MKKS: variants seen among roughly 807,000 people sequenced by gnomAD.
The protein encoded by MKKS is MKKS centrosomal shuttling protein.
A neutral mutation model predicts 33.2 loss-of-function variants in MKKS; 29 were observed. The ratio of observed to expected loss-of-function variants is 0.87; its 90% CI spans 0.65 to 1.19. The LOEUF is 1.19. Ranked by LOEUF, MKKS falls within the 50% of genes most tolerant of loss-of-function variation. The probability of loss-of-function intolerance (pLI) is 0.00; values close to 1 mark genes in which losing one functional copy is unlikely to be tolerated. For synonymous variants in MKKS, 260 were observed against 244.0 expected (o/e 1.07, Z -0.61); for missense variants, 661 against 662.3 (o/e 1.00, Z 0.02).
In MKKS at chr20:10,402,674, A is replaced by C. The variant is rs1370405821; in HGVS notation, c.*2573T>G. The C allele has an allele frequency of 6.6e-6, 1 of 152,204 alleles. No homozygotes were observed. Among genetic ancestry groups the C allele is most frequent in the Non-Finnish European group, 1.5e-5 (1 of 68,044 alleles). 9.4% of individuals were successfully genotyped at this position (152,204 alleles called of 1,614,324 possible). A position where few individuals can be genotyped will look rare whatever the true frequency, so the allele number is the denominator to read the frequency against. ...GTCACCCCTTCTTGGAGGAACTTGA[A>C]AAAATGCAGGATAAGGGCAAAGAGA... On this transcript the variant is annotated 3_prime_UTR_variant, in exon 6 of 6. Transcript: ENST00000347364.
At chr20:10,424,250 T>C (rs1157873405) in intron 1 of MKKS, among the ~76,000 whole-genome samples, 1 of 151,098 alleles carries the variant, frequency 6.6e-6, no homozygotes, top group Non-Finnish European at 1.5e-5. Flanking sequence ...AAAAAATATA[T>C]ATTAAATAAA....
chr20:10,423,130 A>C (rs989862670), intron 1 of MKKS, among the ~76,000 whole-genome samples: 2 of 152,082 alleles, frequency 1.3e-5, no homozygotes, highest in African/African-American at 2.4e-5. Context: ...AGGAAAAAAA[A>C]CCCTAGCTTA....
At chr20:10,420,340 T>C (rs1056467216) in intron 2 of MKKS, among the ~76,000 whole-genome samples, 188 bp downstream of exon 2, 1 of 152,184 alleles carries the variant, frequency 6.6e-6, no homozygotes, top group Non-Finnish European at 1.5e-5. Flanking sequence ...GCCAGGCAAG[T>C]GTCAAATGTC....
chr20:10,402,124 G>C lies in MKKS; in HGVS notation c.*3123C>G, dbSNP rs2064814138. ...AGTCCCACGAAATTATTGAGCAGCT[G>C]TCACCGACTTCATTTTCTTCTTCAC... On this transcript the variant is annotated 3_prime_UTR_variant, in exon 6 of 6. Transcript: ENST00000347364. 6.6e-6 allele frequency: 1 copy of C among 152,196 alleles called. No homozygotes were observed. Among genetic ancestry groups the C allele is most frequent in the Admixed American group, 6.5e-5 (1 of 15,280 alleles). 9.4% of individuals were successfully genotyped at this position (152,196 alleles called of 1,614,324 possible).
In MKKS at chr20:10,404,954, T is replaced by C. The variant is rs1199838534; in HGVS notation, c.*293A>G. The C allele has an allele frequency of 4.6e-6, 1 of 216,158 alleles. No homozygotes were observed. Among genetic ancestry groups the C allele is most frequent in the Non-Finnish European group, 9.2e-6 (1 of 108,790 alleles). 13.4% of individuals were successfully genotyped at this position (216,158 alleles called of 1,614,324 possible). Reference sequence around the variant, plus strand: ...AGGAGTCTTTTTTATTTGTTTGCTCTCAAAATGATGCCAACATAACAAAAA... The same window carrying C: ...AGGAGTCTTTTTTATTTGTTTGCTCCCAAAATGATGCCAACATAACAAAAA... On this transcript the variant is annotated 3_prime_UTR_variant, in exon 6 of 6. Coordinates refer to ENST00000347364, the MANE Select transcript of MKKS (RefSeq NM_170784.3).
intron 2 of MKKS, among the ~76,000 whole-genome samples, chr20:10,419,972 G>T (rs1187388807): frequency 6.6e-6 from 1 of 152,206 alleles, no homozygotes; most frequent in Non-Finnish European, 1.5e-5. Flanking sequence ...TGTCAGTTAA[G>T]ATCAAGTTTT....
intron 1 of MKKS, among the ~76,000 whole-genome samples, chr20:10,431,484 G>C (rs1277938052): frequency 1.3e-5 from 2 of 151,778 alleles, no homozygotes; most frequent in Non-Finnish European, 2.9e-5. Flanking sequence ...GAAGATAATG[G>C]GACAATCTTA....
intron 3 of MKKS, among the ~76,000 whole-genome samples, chr20:10,410,028 C>T (rs1385388889): frequency 6.9e-6 from 1 of 144,430 alleles, no homozygotes; most frequent in Admixed American, 6.9e-5. Flanking sequence ...AAAAACACTT[C>T]CATCTCAAAA....
intron 1 of MKKS, among the ~76,000 whole-genome samples, chr20:10,433,283 G>A (rs1463414381): frequency 6.6e-6 from 1 of 152,208 alleles, no homozygotes; most frequent in Non-Finnish European, 1.5e-5. Flanking sequence ...GGGTTACAGG[G>A]GTGAGCCACC....
At chr20:10,408,904 A>C (rs1422341163) in intron 3 of MKKS, 101 bp from the exon 4 acceptor site, 4 of 851,938 alleles carry the variant, frequency 4.7e-6, no homozygotes, top group Admixed American at 2.5e-5. Flanking sequence ...AAGCCCCACA[A>C]GCATATAATT....
rs781401127 is a variant in MKKS, at chr20:10,412,735, C to T, written c.780G>A (p.Val260=). 8 of 1,614,150 alleles carry T rather than the reference C, an allele frequency of 5.0e-6. No individual in the cohort carries two copies. Among genetic ancestry groups the T allele is most frequent in the East Asian group, 4.5e-5 (2 of 44,884 alleles). The part of the protein sequence containing the change: ...GDTSDTGEGT[V]VVSYGVSLEN... ...CAAGAGAAACCCCATAACTGACCACCACAGTTCCTTCTCCAGTGTCAGAAG... is the reference window on the plus strand; with the variant it reads ...CAAGAGAAACCCCATAACTGACCACTACAGTTCCTTCTCCAGTGTCAGAAG... The change falls in exon 3 of 6, where the codon GTG becomes GTA. Residue 260 remains valine (V), a synonymous_variant. Coordinates refer to ENST00000347364, the MANE Select transcript of MKKS (RefSeq NM_170784.3).
At position 10,402,004 on chromosome 20, in the gene MKKS, C is replaced by T. The variant is rs1600841047; in HGVS notation, c.*3243G>A. 6.6e-6 allele frequency: 1 copy of T among 152,152 alleles called. No individual in the cohort carries two copies. Among genetic ancestry groups the T allele is most frequent in the African/African-American group, 2.4e-5 (1 of 41,422 alleles). 9.4% of individuals were successfully genotyped at this position (152,152 alleles called of 1,614,324 possible). ...ATTTGCTGTAGCTCTCCACTTTCTTCCTTGCTGCTAAAATCCTAATGCCTT... is the reference window on the plus strand; with the variant it reads ...ATTTGCTGTAGCTCTCCACTTTCTTTCTTGCTGCTAAAATCCTAATGCCTT... On this transcript the variant is annotated 3_prime_UTR_variant, in exon 6 of 6. Coordinates refer to ENST00000347364, the MANE Select transcript of MKKS (RefSeq NM_170784.3).
rs1471751692 is a variant in MKKS, at chr20:10,408,796, C to T, written c.993G>A (p.Gln331=). The change falls in exon 4 of 6, where the codon CAG becomes CAA. Residue 331 remains glutamine (Q), a synonymous_variant. Transcript: ENST00000347364. ...MEPLTKMTGT[Q]PIGSLGSICP... is the part of the protein sequence containing the mutation. ...ATATTGAGCCTAGGGATCCAATAGG[C>T]TGTGTTCCTATTTTTTAAAGATTAG... 3 of 1,611,750 alleles carry T rather than the reference C, an allele frequency of 1.9e-6. No individual in the cohort carries two copies. The highest frequency in any genetic ancestry group is 2.2e-5 in the East Asian group (1 of 44,838).
At chr20:10,411,042 AGT>A (rs2064881620) in intron 3 of MKKS, among the ~76,000 whole-genome samples, 1 of 150,574 alleles carries the variant, frequency 6.6e-6, no homozygotes, top group Admixed American at 6.6e-5. Context: ...GCTGGAGTGC[AGT>A]GGCGCAATCT....
At chr20:10,418,478 G>T (rs2064956981) in intron 2 of MKKS, among the ~76,000 whole-genome samples, 1 of 152,154 alleles carries the variant, frequency 6.6e-6, no homozygotes, top group African/African-American at 2.4e-5. Flanking sequence ...TCAACTATTC[G>T]GAATTTGTGT....
At chr20:10,413,990 C>T in intron 2 of MKKS, 59 bp from the exon 3 acceptor site, 1 of 397,118 alleles carries the variant, frequency 2.5e-6, no homozygotes. Flanking sequence ...TTGTAGACTG[C>T]AGTTTAATAA....
At chr20:10,407,232 T>G (rs1185526373) in intron 5 of MKKS, among the ~76,000 whole-genome samples, 1 of 152,188 alleles carries the variant, frequency 6.6e-6, no homozygotes, top group Non-Finnish European at 1.5e-5. Flanking sequence ...CATCAATTAT[T>G]ACTGTATTGC....
Position 10,401,045 on chromosome 20 carries a change from T to C in MKKS, c.*4202A>G, listed in dbSNP as rs1032127689. On this transcript the variant is annotated 3_prime_UTR_variant, in exon 6 of 6. Coordinates refer to ENST00000347364, the MANE Select transcript of MKKS (RefSeq NM_170784.3). ...AAAATAAGATGTTTATTATAAGTAT[T>C]TTCTCAAAGAGAATTTTTAATAGGA... 2.6e-5 allele frequency: 4 copies of C among 152,122 alleles called. No homozygotes were observed. The highest frequency in any genetic ancestry group is 9.7e-5 in the African/African-American group (4 of 41,426). The allele number at this position is 152,122 out of a possible 1,614,324, so 9.4% of individuals were successfully genotyped here. A position where few individuals can be genotyped will look rare whatever the true frequency, so the allele number is the denominator to read the frequency against.
In MKKS at chr20:10,429,758, C is replaced by T. The variant is rs141528691; in HGVS notation, c.-649+4350G>A. 9.1e-3 allele frequency among the ~76,000 whole-genome samples: 1,382 copies of T among 152,244 alleles called. 14 individuals are homozygous for T. The highest frequency in any genetic ancestry group is 0.015 in the Non-Finnish European group (987 of 67,996). The stretch of plus-strand genomic sequence containing the variant: ...CCTAGGGTCACAGTCCAGACCCTCG[C>T]GCCCTCACATGACCTCCTTGCTTCA... On this transcript the variant is annotated intron_variant, in intron 1 of 5. Transcript: ENST00000347364.
Sources: gnomAD v4.1 joint callset for allele counts (sites outside exome capture counted in the v4.1 genomes callset) on GRCh38, gnomAD v4.1.1 for gene constraint, MANE v1.5 for transcripts, NCBI Gene and HGNC (gene_info 2026-07-23, HGNC 2026-07-21) for gene names.